PXDNL: variants seen among roughly 807,000 people sequenced by gnomAD.
PXDNL encodes probable oxidoreductase PXDNL.
A neutral mutation model predicts 150.8 loss-of-function variants in PXDNL; 145 were observed. The observed-to-expected ratio is 0.96, with a 90% CI of 0.84 to 1.10. The LOEUF (loss-of-function observed/expected upper bound fraction) is 1.10, where lower values mean the gene tolerates loss of function less well. Among genes scored for constraint, PXDNL ranks in the 50% least tolerant of loss-of-function variants. The probability of loss-of-function intolerance (pLI) is 0.00; values close to 1 mark genes in which losing one functional copy is unlikely to be tolerated. For synonymous variants in PXDNL, 757 were observed against 725.7 expected (o/e 1.04, Z -0.69); for missense variants, 2,087 against 1,873.9 (o/e 1.11, Z -2.10).
chr8:51,361,937 C>CAAAAAAAAAAAAAAAAAAAAAACAAAAAA (rs1806756731), intron 19 of PXDNL, among the ~76,000 whole-genome samples: 1 of 58,052 alleles, frequency 1.7e-5, no homozygotes, highest in Non-Finnish European at 2.9e-5. Context: ...GATTCCATCT[C>CAAAAAAAAAAAAAAAAAAAAAACAAAAAA]AAAAAAAAAA....
At chr8:51,503,798 G>T (rs1284770644) in intron 4 of PXDNL, among the ~76,000 whole-genome samples, 1 of 152,084 alleles carries the variant, frequency 6.6e-6, no homozygotes, top group Non-Finnish European at 1.5e-5. Context: ...AACATCCATG[G>T]CTTCAATTAT....
Position 51,319,600 on chromosome 8 carries a change from T to C in PXDNL, c.*291A>G, listed in dbSNP as rs1805257509. 1.6e-5 allele frequency: 3 copies of C among 187,846 alleles called. No homozygotes were observed. Among genetic ancestry groups the C allele is most frequent in the African/African-American group, 2.3e-5 (1 of 42,854 alleles). The allele number at this position is 187,846 out of a possible 1,614,324, so 11.6% of individuals were successfully genotyped here. A position where few individuals can be genotyped will look rare whatever the true frequency, so the allele number is the denominator to read the frequency against. ...TATATTTTTTAAATATTCCATGATA[T>C]TCTTTTTATTTCCAGGTGTGGCATA... On this transcript the variant is annotated 3_prime_UTR_variant, in exon 23 of 23. Transcript: ENST00000356297.
intron 4 of PXDNL, among the ~76,000 whole-genome samples, chr8:51,553,361 T>C (rs963091877): frequency 2.6e-5 from 4 of 152,202 alleles, no homozygotes; most frequent in African/African-American, 9.6e-5. Flanking sequence ...GCTTTGCTCC[T>C]GTGAAAAGGC....
At chr8:51,321,231 T>C (rs1805304081) in intron 21 of PXDNL, 1 of 185,968 alleles carries the variant, frequency 5.4e-6, no homozygotes, top group Admixed American at 6.1e-5. Flanking sequence ...ACTTGTAAAT[T>C]CAACTAATAA....
At chr8:51,516,785 G>A (rs1811550277) in intron 4 of PXDNL, among the ~76,000 whole-genome samples, 1 of 152,074 alleles carries the variant, frequency 6.6e-6, no homozygotes, top group South Asian at 2.1e-4. Flanking sequence ...CCTGACACTA[G>A]GGACCAATTA....
At chr8:51,522,901 A>G (rs1310067566) in intron 4 of PXDNL, among the ~76,000 whole-genome samples, 1 of 152,080 alleles carries the variant, frequency 6.6e-6, no homozygotes, top group Non-Finnish European at 1.5e-5. Flanking sequence ...AATGTAATAG[A>G]AGTCTCTTTC....
At chr8:51,762,047 G>C (rs2037171533) in intron 1 of PXDNL, among the ~76,000 whole-genome samples, 1 of 152,162 alleles carries the variant, frequency 6.6e-6, no homozygotes, top group Admixed American at 6.5e-5. Context: ...CTGCTTTTAA[G>C]ATTTATTTCT....
At chr8:51,350,542 A>G (rs529881021) in intron 19 of PXDNL, among the ~76,000 whole-genome samples, 205 of 151,912 alleles carry the variant, frequency 1.3e-3, no homozygotes, top group Admixed American at 4.5e-3. Context: ...ATTAGTAGAG[A>G]CGGGGTTTCA....
intron 17 of PXDNL, among the ~76,000 whole-genome samples, 194 bp from the exon 18 acceptor site, chr8:51,374,925 G>A (rs1807256998): frequency 1.3e-5 from 2 of 152,132 alleles, no homozygotes; most frequent in Non-Finnish European, 2.9e-5. Flanking sequence ...TAGGCAGGAG[G>A]CAGAGTCATA....
chr8:51,608,023 AAG>A (rs1319898044), intron 2 of PXDNL, among the ~76,000 whole-genome samples: 1 of 92,604 alleles, frequency 1.1e-5, no homozygotes, highest in Admixed American at 1.1e-4. Context: ...GAAAGAAAGA[AAG>A]AAAGAAAGAA....
chr8:51,441,313 C>T (rs1380069498), intron 12 of PXDNL, among the ~76,000 whole-genome samples: 5 of 152,146 alleles, frequency 3.3e-5, no homozygotes, highest in African/African-American at 1.2e-4. Context: ...GGTATTTCTT[C>T]ATGGTAGCAG....
At chr8:51,735,047 G>A (rs1817004683) in intron 1 of PXDNL, among the ~76,000 whole-genome samples, 4 of 152,152 alleles carry the variant, frequency 2.6e-5, no homozygotes, top group Admixed American at 1.3e-4. Flanking sequence ...TATACTTTAA[G>A]TGTTCTCATC....
intron 1 of PXDNL, among the ~76,000 whole-genome samples, chr8:51,724,210 C>T (rs1019812940): frequency 6.6e-6 from 1 of 151,882 alleles, no homozygotes; most frequent in African/African-American, 2.4e-5. Context: ...GGAATCTCTG[C>T]AAGGTTGTTA....
intron 1 of PXDNL, among the ~76,000 whole-genome samples, chr8:51,723,845 G>C (rs1270733993): frequency 6.6e-6 from 1 of 152,082 alleles, no homozygotes; most frequent in East Asian, 1.9e-4. Context: ...GACAATGAGA[G>C]GACTGCATTG....
chr8:51,806,270 A>G lies in PXDNL; in HGVS notation c.164+2911T>C, dbSNP rs566505661. Reference sequence around the variant, plus strand: ...TGGAAAAAATTAAGGAAATTTTAACACTACTACTAATAAGCATTTACTAAG... The same window carrying G: ...TGGAAAAAATTAAGGAAATTTTAACGCTACTACTAATAAGCATTTACTAAG... On this transcript the variant is annotated intron_variant, in intron 1 of 22. Coordinates refer to ENST00000356297, the MANE Select transcript of PXDNL (RefSeq NM_144651.5). 7.2e-5 allele frequency among the ~76,000 whole-genome samples: 11 copies of G among 152,356 alleles called. No individual in the cohort carries two copies. The South Asian group carries it at 2.3e-3, about 32-fold the overall frequency.
chr8:51,498,681 A>C (rs1247255553), intron 5 of PXDNL, among the ~76,000 whole-genome samples: 2 of 152,140 alleles, frequency 1.3e-5, no homozygotes, highest in Non-Finnish European at 2.9e-5. Flanking sequence ...CCCAGGAAAA[A>C]CCAAGAATAC....
At chr8:51,726,225 G>A (rs887586207) in intron 1 of PXDNL, among the ~76,000 whole-genome samples, 21 of 152,196 alleles carry the variant, frequency 1.4e-4, no homozygotes, top group African/African-American at 4.8e-4. Context: ...ATGGGAGCAG[G>A]AATGAGTCCC....
At chr8:51,352,553 T>C (rs1563370072) in intron 19 of PXDNL, among the ~76,000 whole-genome samples, 1 of 152,090 alleles carries the variant, frequency 6.6e-6, no homozygotes, top group Non-Finnish European at 1.5e-5. Context: ...GGTTTAAAAG[T>C]ATGACACTTC....
At chr8:51,687,034 C>T (rs1389338750) in intron 1 of PXDNL, among the ~76,000 whole-genome samples, 5 of 152,012 alleles carry the variant, frequency 3.3e-5, no homozygotes, top group Non-Finnish European at 5.9e-5. Context: ...AATTGTCATT[C>T]TTATTAATAA....
Sources: allele counts gnomAD v4.1 joint callset (sites outside exome capture counted in the v4.1 genomes callset), GRCh38; gene constraint gnomAD v4.1.1; transcripts MANE v1.5; gene names NCBI Gene and HGNC (gene_info 2026-07-23, HGNC 2026-07-21).